KCNQ1OT1: variants seen among roughly 807,000 people sequenced by gnomAD.
The protein encoded by KCNQ1OT1 is KCNQ1 antisense RNA 2 (non-protein coding).
exon 1 of KCNQ1OT1, chr11:2,680,392 C>G: frequency 2.5e-6 from 1 of 398,402 alleles, no homozygotes; most frequent in Non-Finnish European, 4.4e-6. Context: ...TTGCAACATC[C>G]TTCCATATTT....
chr11:2,684,066 A>C, exon 1 of KCNQ1OT1: 1 of 398,516 alleles, frequency 2.5e-6, no homozygotes, highest in Non-Finnish European at 4.4e-6. Context: ...TGTTTAGAGT[A>C]AATAATTCAT....
chr11:2,630,442 G>C (rs1849334564), exon 1 of KCNQ1OT1: 1 of 398,066 alleles, frequency 2.5e-6, no homozygotes, highest in Non-Finnish European at 4.4e-6. Context: ...AGTTGGGATT[G>C]TTCCCTCTTT....
At chr11:2,631,382 C>T (rs1349331925) in exon 1 of KCNQ1OT1, 4 of 398,238 alleles carry the variant, frequency 1.0e-5, no homozygotes, top group Non-Finnish European at 1.3e-5. Flanking sequence ...CTTTCTATTT[C>T]ACTTTTCATT....
chr11:2,662,616 A>G (rs1849982865), exon 1 of KCNQ1OT1: 1 of 413,400 alleles, frequency 2.4e-6, no homozygotes, highest in South Asian at 1.0e-4. Context: ...CGGCATGGCC[A>G]GGCCAATCCC....
chr11:2,665,324 TAG>T (rs1850047090), exon 1 of KCNQ1OT1: 1 of 398,022 alleles, frequency 2.5e-6, no homozygotes, highest in Non-Finnish European at 4.4e-6. Flanking sequence ...AGGTGGGAAG[TAG>T]AGACTGTAGG....
chr11:2,674,446 G>C lies in KCNQ1OT1; in HGVS notation n.25549C>G. 1 of 398,676 alleles carries C rather than the reference G, an allele frequency of 2.5e-6. No homozygotes were observed. The highest frequency in any genetic ancestry group is 4.4e-6 in the Non-Finnish European group (1 of 226,112). The allele number at this position is 398,676 out of a possible 1,614,324, so 24.7% of individuals were successfully genotyped here. A position where few individuals can be genotyped will look rare whatever the true frequency, so the allele number is the denominator to read the frequency against. On this transcript the variant is annotated non_coding_transcript_exon_variant, in exon 1 of 1. Coordinates refer to ENST00000597346, the Ensembl canonical transcript of KCNQ1OT1. This position sits in a 1 kb window ranked among gnomAD's most constrained non-coding sequence, Gnocchi z 5.9. ...ACACGACCACAGAGGCTGGGGGGAG[G>C]CACGTGGGGAGGAGGGCTGCCTGTC...
rs1035382526 is a variant in KCNQ1OT1, at chr11:2,658,466, C to T, written n.41529G>A. 2.0e-5 allele frequency: 8 copies of T among 398,374 alleles called. No individual in the cohort carries two copies. The highest frequency in any genetic ancestry group is 8.8e-5 in the Admixed American group (2 of 22,710). 24.7% of individuals were successfully genotyped at this position (398,374 alleles called of 1,614,324 possible). On this transcript the variant is annotated non_coding_transcript_exon_variant, in exon 1 of 1. Coordinates refer to ENST00000597346, the Ensembl canonical transcript of KCNQ1OT1. This position sits in a 1 kb window ranked among gnomAD's most constrained non-coding sequence, Gnocchi z 4.9. The stretch of plus-strand genomic sequence containing the variant: ...TCATGTGTCCTTTTGATGTGCCCCC[C>T]GCCATCCTTTTCATTTATTTTTAAG...
exon 1 of KCNQ1OT1, chr11:2,643,677 T>C (rs1282877130): frequency 5.0e-6 from 2 of 398,432 alleles, no homozygotes; most frequent in Non-Finnish European, 8.8e-6. Flanking sequence ...GAGGGCTTAT[T>C]CCTGTCATTA....
At chr11:2,610,215 C>T (rs1339262148) in exon 1 of KCNQ1OT1, 1 of 397,652 alleles carries the variant, frequency 2.5e-6, no homozygotes, top group Non-Finnish European at 4.4e-6. Context: ...TATGTATCGT[C>T]TCAAAATTTA....
exon 1 of KCNQ1OT1, chr11:2,660,995 T>C (rs1397310989): frequency 1.8e-5 from 7 of 398,498 alleles, no homozygotes; most frequent in African/African-American, 1.2e-4. Flanking sequence ...ATGACTAAAA[T>C]AATTAAATCC....
exon 1 of KCNQ1OT1, chr11:2,694,775 C>T (rs1332934676): frequency 7.5e-6 from 3 of 398,238 alleles, no homozygotes; most frequent in Admixed American, 4.4e-5. Flanking sequence ...GTAGCCTGTG[C>T]TTTGCAGAGA....
At chr11:2,686,915 G>C (rs573290965) in exon 1 of KCNQ1OT1, 1 of 398,638 alleles carries the variant, frequency 2.5e-6, no homozygotes, top group South Asian at 1.3e-4. Flanking sequence ...CCCAATCCAG[G>C]TCCATGCAGG....
At chr11:2,618,492 G>A in exon 1 of KCNQ1OT1, 2 of 398,514 alleles carry the variant, frequency 5.0e-6, no homozygotes, top group East Asian at 7.1e-5. Flanking sequence ...GTGTTCTTGT[G>A]GAAAATTGGT....
exon 1 of KCNQ1OT1, chr11:2,614,134 C>G (rs75061665): frequency 0.018 from 7,184 of 398,474 alleles, 278 homozygotes; most frequent in East Asian, 0.11. Context: ...CCTACCATGT[C>G]TCTGAGATAC....
rs1008539380 is a variant in KCNQ1OT1, at chr11:2,668,372, A to C, written n.31623T>G. 1.0e-5 allele frequency: 4 copies of C among 398,448 alleles called. No homozygotes were observed. Among genetic ancestry groups the C allele is most frequent in the African/African-American group, 2.1e-5 (1 of 48,586 alleles). 24.7% of individuals were successfully genotyped at this position (398,448 alleles called of 1,614,324 possible). A position where few individuals can be genotyped will look rare whatever the true frequency, so the allele number is the denominator to read the frequency against. ...GTGGGCATATGTTTACTCTTAGTGA[A>C]TACTACCCAGCAGTCTACCAAAGGA... is the stretch of plus-strand genomic sequence containing the variant. On this transcript the variant is annotated non_coding_transcript_exon_variant, in exon 1 of 1. Coordinates refer to ENST00000597346, the Ensembl canonical transcript of KCNQ1OT1. The surrounding 1 kb of genome is among the most constrained non-coding windows in gnomAD (Gnocchi z 4.3).
In KCNQ1OT1 at chr11:2,679,368, T is replaced by A. The variant is rs1850348097; in HGVS notation, n.20627A>T. 2.5e-6 allele frequency: 1 copy of A among 398,534 alleles called. No individual in the cohort carries two copies. The highest frequency in any genetic ancestry group is 2.1e-5 in the African/African-American group (1 of 48,634). The allele number at this position is 398,534 out of a possible 1,614,324, so 24.7% of individuals were successfully genotyped here. On this transcript the variant is annotated non_coding_transcript_exon_variant, in exon 1 of 1. Transcript: ENST00000597346. This position sits in a 1 kb window ranked among gnomAD's most constrained non-coding sequence, Gnocchi z 4.8. ...TTCTACCTGCTACACCTTGAGTGAG[T>A]CACTTAGTCTCAGTTTCTTTATTTG...
At chr11:2,619,932 A>G (rs1849137126) in exon 1 of KCNQ1OT1, 1 of 391,972 alleles carries the variant, frequency 2.6e-6, no homozygotes, top group Non-Finnish European at 4.5e-6. Flanking sequence ...ATACTGCATG[A>G]TGATGAGGTT....
Position 2,695,728 on chromosome 11 carries a change from C to A in KCNQ1OT1, n.4267G>T. 1 of 398,666 alleles carries A rather than the reference C, an allele frequency of 2.5e-6. No homozygotes were observed. The highest frequency in any genetic ancestry group is 4.4e-6 in the Non-Finnish European group (1 of 226,086). The allele number at this position is 398,666 out of a possible 1,614,324, so 24.7% of individuals were successfully genotyped here. A position where few individuals can be genotyped will look rare whatever the true frequency, so the allele number is the denominator to read the frequency against. ...TGTCTCCGTCCCCACCTGCAGCACA[C>A]AGGGAGGCTTGTTCCTTGCCTTCTG... is the stretch of plus-strand genomic sequence containing the variant. On this transcript the variant is annotated non_coding_transcript_exon_variant, in exon 1 of 1. Coordinates refer to ENST00000597346, the Ensembl canonical transcript of KCNQ1OT1. This position sits in a 1 kb window ranked among gnomAD's most constrained non-coding sequence, Gnocchi z 5.2.
exon 1 of KCNQ1OT1, chr11:2,619,536 T>C (rs1849128488): frequency 2.5e-6 from 1 of 398,464 alleles, no homozygotes; most frequent in South Asian, 1.3e-4. Context: ...TGATATATAA[T>C]CTTTTTGATG....
Sources: gnomAD v4.1 joint callset for allele counts on GRCh38, gnomAD v4.1.1 for gene constraint, Gnocchi (gnomAD v3.1) non-coding constraint, MANE v1.5 for transcripts, NCBI Gene and HGNC (gene_info 2026-07-23, HGNC 2026-07-21) for gene names.